Variants in ERBB4 observed in about 807,000 individuals in gnomAD.
ERBB4 encodes the protein receptor tyrosine-protein kinase erbB-4.
Under a neutral mutation model 158.0 loss-of-function variants are expected in ERBB4, and 42 were observed. That is an observed-to-expected ratio of 0.27 (90% CI 0.21 to 0.34). The LOEUF is 0.34. Ranked by LOEUF, ERBB4 falls within the 10% of genes least tolerant of loss-of-function variation. The pLI is 1.00. For synonymous variants in ERBB4, 583 were observed against 558.7 expected (o/e 1.04, Z -0.61); for missense variants, 1,333 against 1,624.1 (o/e 0.82, Z 3.08).
At chr2:211,898,495 A>G (rs972962569) in intron 3 of ERBB4, among the ~76,000 whole-genome samples, 1 of 152,208 alleles carries the variant, frequency 6.6e-6, no homozygotes, top group African/African-American at 2.4e-5. Flanking sequence ...GTATCTGACA[A>G]AAGTAATTTG....
At chr2:212,183,100 G>T (rs1042544754) in intron 1 of ERBB4, among the ~76,000 whole-genome samples, 3 of 151,738 alleles carry the variant, frequency 2.0e-5, no homozygotes, top group Non-Finnish European at 2.9e-5. Context: ...AAGTTAAAAC[G>T]ATGTTTTAAG....
chr2:212,156,270 A>G (rs1032229479), intron 1 of ERBB4, among the ~76,000 whole-genome samples: 1 of 152,184 alleles, frequency 6.6e-6, no homozygotes, highest in Non-Finnish European at 1.5e-5. Flanking sequence ...GGGGAAAAAA[A>G]GGAAAGGAAA....
Position 212,437,289 on chromosome 2 carries a change from TC to T in ERBB4, c.82+101159del, listed in dbSNP as rs371384974. Among the ~76,000 whole-genome samples, 16 of 152,150 alleles carry T rather than the reference TC, an allele frequency of 1.1e-4. No homozygotes were observed. The East Asian group carries it at 3.1e-3, about 29-fold the overall frequency. On this transcript the variant is annotated intron_variant, in intron 1 of 27. Transcript: ENST00000342788. Reference sequence around the variant, plus strand: ...TCCAGCTCTCTGGGATACAAGGATTTCCCTTACTCCTACCTGCTCTCAAACT... The same window carrying T: ...TCCAGCTCTCTGGGATACAAGGATTTCCTTACTCCTACCTGCTCTCAAACT...
chr2:212,460,852 G>A (rs1254590761), intron 1 of ERBB4, among the ~76,000 whole-genome samples: 4 of 152,160 alleles, frequency 2.6e-5, no homozygotes, highest in Admixed American at 1.3e-4. Context: ...ATGTCTCCAG[G>A]GAATGTCAGA....
chr2:212,537,859 G>C (rs1345369699), intron 1 of ERBB4, among the ~76,000 whole-genome samples: 1 of 152,030 alleles, frequency 6.6e-6, no homozygotes. Flanking sequence ...GCCCCGGACC[G>C]AGGCGCGCCC....
At chr2:211,444,216 A>G (rs1055436242) in intron 20 of ERBB4, among the ~76,000 whole-genome samples, 1 of 134,664 alleles carries the variant, frequency 7.4e-6, no homozygotes, top group Non-Finnish European at 1.6e-5. Context: ...AAACATTCTC[A>G]TAGTAATATA....
intron 1 of ERBB4, among the ~76,000 whole-genome samples, chr2:212,140,846 A>AGTGTGTGTGTGTGT (rs35461019): frequency 3.4e-4 from 45 of 131,662 alleles, no homozygotes; most frequent in African/African-American, 9.9e-4. Flanking sequence ...AGGAAACATG[A>AGTGTGTGTGTGTGT]GTGTGTGTGT....
intron 20 of ERBB4, among the ~76,000 whole-genome samples, chr2:211,478,677 C>T (rs1559208595): frequency 6.6e-6 from 1 of 151,584 alleles, no homozygotes; most frequent in Non-Finnish European, 1.5e-5. Context: ...CTTTCAACAT[C>T]CTAATTCAAG....
intron 3 of ERBB4, among the ~76,000 whole-genome samples, chr2:211,935,266 G>A (rs1241364782): frequency 5.3e-5 from 8 of 152,078 alleles, no homozygotes; most frequent in South Asian, 2.1e-4. Flanking sequence ...AGAAATACCC[G>A]GAAACCTGGT....
intron 3 of ERBB4, among the ~76,000 whole-genome samples, chr2:211,793,215 A>C: frequency 6.6e-6 from 1 of 151,986 alleles, no homozygotes; most frequent in East Asian, 1.9e-4. Flanking sequence ...ACTTTAGTCT[A>C]TATGATCGAT....
At chr2:212,474,839 T>TTTTTTTTTTTTTTTTTTTTTTTTTTTG (rs1245995165) in intron 1 of ERBB4, among the ~76,000 whole-genome samples, 1 of 136,162 alleles carries the variant, frequency 7.3e-6, no homozygotes, top group African/African-American at 3.4e-5. Flanking sequence ...TTTTTTTTTT[T>TTTTTTTTTTTTTTTTTTTTTTTTTTTG]TGTCAAGACA....
chr2:212,258,735 T>C (rs16848124), intron 1 of ERBB4, among the ~76,000 whole-genome samples: 34,252 of 151,374 alleles, frequency 0.23, 4,520 homozygotes, highest in Non-Finnish European at 0.28. Context: ...ATTATTTAGC[T>C]AGTGTTCAAA....
chr2:212,345,271 A>AAAAAAAAAAAAAAAAAAAAAAAAAAAAC (rs2088939688), intron 1 of ERBB4, among the ~76,000 whole-genome samples: 1 of 149,586 alleles, frequency 6.7e-6, no homozygotes, highest in Non-Finnish European at 1.5e-5. Context: ...GTCTCAAAAA[A>AAAAAAAAAAAAAAAAAAAAAAAAAAAAC]AAAAAAGCAC....
intron 3 of ERBB4, among the ~76,000 whole-genome samples, chr2:211,864,394 C>T (rs1575275168): frequency 6.6e-6 from 1 of 152,250 alleles, no homozygotes; most frequent in African/African-American, 2.4e-5. Flanking sequence ...TTCCCAGGAA[C>T]TCCTCCACCT....
chr2:212,538,427 C>G (rs201770120), intron 1 of ERBB4, 22 bp downstream of exon 1: 1 of 1,611,320 alleles, frequency 6.2e-7, no homozygotes, highest in Non-Finnish European at 8.5e-7. Flanking sequence ...GTTCGGCGAC[C>G]GGAGTGCCAG....
chr2:211,951,310 T>G, intron 2 of ERBB4, among the ~76,000 whole-genome samples: 1 of 152,106 alleles, frequency 6.6e-6, no homozygotes, highest in East Asian at 1.9e-4. Flanking sequence ...AAGAGTAACA[T>G]TAATAGTAAT....
chr2:212,125,319 T>A (rs565089148), intron 1 of ERBB4: 7 of 177,370 alleles, frequency 3.9e-5, no homozygotes, highest in African/African-American at 1.4e-4. Flanking sequence ...AATTTTATTT[T>A]AAAATCATAG....
At chr2:211,561,596 A>T (rs2067393360) in intron 20 of ERBB4, among the ~76,000 whole-genome samples, 1 of 152,242 alleles carries the variant, frequency 6.6e-6, no homozygotes, top group Non-Finnish European at 1.5e-5. Flanking sequence ...AGTTAACTAG[A>T]CTATACCGAA....
chr2:211,674,366 C>G (rs1418142999), intron 13 of ERBB4, among the ~76,000 whole-genome samples: 1 of 151,948 alleles, frequency 6.6e-6, no homozygotes, highest in African/African-American at 2.4e-5. Context: ...TACTGTAAAG[C>G]CTTAATAAAT....
Sources: gnomAD v4.1 joint callset for allele counts (sites outside exome capture counted in the v4.1 genomes callset) on GRCh38, gnomAD v4.1.1 for gene constraint, MANE v1.5 for transcripts, NCBI Gene and HGNC (gene_info 2026-07-23, HGNC 2026-07-21) for gene names.